SC5D: variants seen among roughly 807,000 people sequenced by gnomAD.
SC5D encodes the protein lathosterol oxidase.
In SC5D, 21 loss-of-function variants were observed where a neutral mutation model predicts 23.9. The observed-to-expected ratio is 0.88, with a 90% CI of 0.62 to 1.26. The LOEUF (loss-of-function observed/expected upper bound fraction) is 1.26, where lower values mean the gene tolerates loss of function less well. SC5D is among the 50% of genes most tolerant of loss of function. SC5D has a pLI of 0.00. For missense variants in SC5D, 309 were observed against 364.8 expected, an observed-to-expected ratio of 0.85 and a Z score of 1.25; for synonymous variants, 113 against 125.9, an observed-to-expected ratio of 0.90 and a Z score of 0.68.
intron 1 of SC5D, among the ~76,000 whole-genome samples, chr11:121,300,438 G>C (rs1169358004): frequency 1.3e-5 from 2 of 152,208 alleles, no homozygotes; most frequent in East Asian, 1.9e-4. Flanking sequence ...ATCACCACTT[G>C]ATCTCTCTGG....
In SC5D at chr11:121,308,784, TTC is replaced by T. The variant is rs1206405852; in HGVS notation, c.*1274_*1275del. The T allele has an allele frequency of 6.6e-6, 1 of 152,606 alleles. No homozygotes were observed. Among genetic ancestry groups the T allele is most frequent in the Non-Finnish European group, 1.5e-5 (1 of 68,032 alleles). The allele number at this position is 152,606 out of a possible 1,614,324, so 9.5% of individuals were successfully genotyped here. A position where few individuals can be genotyped will look rare whatever the true frequency, so the allele number is the denominator to read the frequency against. On this transcript the variant is annotated 3_prime_UTR_variant, in exon 5 of 5. Coordinates refer to ENST00000264027, the MANE Select transcript of SC5D (RefSeq NM_006918.5). ...CAGGGGGAAAGAAGTGGGTACCACA[TTC>T]TGTTTATATTTCACATTTTAACTAG...
rs1489801515 is a variant in SC5D, at chr11:121,312,957, A to T, written c.*5445A>T. 2.6e-5 allele frequency among the ~76,000 whole-genome samples: 4 copies of T among 152,122 alleles called. No individual in the cohort carries two copies. The highest frequency in any genetic ancestry group is 6.5e-5 in the Admixed American group (1 of 15,278). ...GACGTTTTTTCTTTCTGATCAACTT[A>T]ATGAAATTATAATTTACTATAATTA... On this transcript the variant is annotated 3_prime_UTR_variant, in exon 5 of 5. Transcript: ENST00000264027.
rs569122385 is a variant in SC5D, at chr11:121,296,643, G to A, written c.-11+3827G>A. Among the ~76,000 whole-genome samples the A allele has an allele frequency of 4.6e-5, 7 of 152,276 alleles. No homozygotes were observed. In the East Asian group the frequency reaches 1.2e-3, roughly 25 times the overall value. On this transcript the variant is annotated intron_variant, in intron 1 of 4. Transcript: ENST00000264027. ...GTGTCCTATTGCTAGAATTGTTTTT[G>A]TAGTTGCCCTACCTTTAAGACTGAT...
In SC5D at chr11:121,307,307, A is replaced by G. The variant is rs151190785; in HGVS notation, c.695A>G (p.His232Arg). Reference sequence around the variant, plus strand: ...AATGGCTCAGCTCATCATACAGACCACCATATGTTCTTTGACTATAATTAT... The same window carrying G: ...AATGGCTCAGCTCATCATACAGACCGCCATATGTTCTTTGACTATAATTAT... ...FINGSAHHTDHHMFFDYNYGQ... is the reference protein window; with the variant it reads ...FINGSAHHTDRHMFFDYNYGQ... Residue 232 changes from histidine (H) to arginine (R), a missense_variant, in exon 5 of 5, where the codon CAC becomes CGC. By Grantham distance (29) the His-to-Arg change is conservative. Transcript: ENST00000264027. The G allele has an allele frequency of 6.2e-7, 1 of 1,614,022 alleles. No homozygotes were observed. The highest frequency in any genetic ancestry group is 8.5e-7 in the Non-Finnish European group (1 of 1,180,020).
chr11:121,307,270 C>T lies in SC5D; in HGVS notation c.658C>T (p.Gln220Ter). Residue 220 changes from glutamine (Q) to a stop codon, truncating the protein, a stop_gained, in exon 5 of 5, where the codon CAG becomes TAG. Coordinates refer to ENST00000264027, the MANE Select transcript of SC5D (RefSeq NM_006918.5). LOFTEE classifies it high-confidence loss of function. ...DGDFRVPQIL[Q>*]PFINGSAHHT... ...TGATTTTCGTGTCCCCCAAATCTTA[C>T]AGCCATTTATTAATGGCTCAGCTCA... 6.2e-7 allele frequency: 1 copy of T among 1,614,022 alleles called. No individual in the cohort carries two copies. Among genetic ancestry groups the T allele is most frequent in the African/African-American group, 1.3e-5 (1 of 75,050 alleles).
intron 2 of SC5D, chr11:121,303,846 T>C (rs1947943201): frequency 7.8e-6 from 3 of 383,892 alleles, no homozygotes; most frequent in Admixed American, 4.3e-5. Context: ...TATGCTGATA[T>C]TGATGAGTAA....
intron 1 of SC5D, among the ~76,000 whole-genome samples, chr11:121,298,152 C>CTAA (rs1947901879): frequency 2.0e-5 from 3 of 146,354 alleles, no homozygotes; most frequent in Admixed American, 2.0e-4. Context: ...GGGCTGTGCA[C>CTAA]CACGCCCGGC....
intron 1 of SC5D, among the ~76,000 whole-genome samples, chr11:121,295,279 G>C (rs1217078572): frequency 6.6e-6 from 1 of 152,194 alleles, no homozygotes; most frequent in Non-Finnish European, 1.5e-5. Context: ...GGAGACATGA[G>C]ACATCAATCA....
intron 2 of SC5D, chr11:121,304,046 A>T (rs189164794): frequency 9.2e-6 from 3 of 324,598 alleles, no homozygotes; most frequent in Non-Finnish European, 1.7e-5. Flanking sequence ...CAGCAAAAAG[A>T]AAAAATAGAG....
intron 1 of SC5D, among the ~76,000 whole-genome samples, chr11:121,300,257 TAAGAAC>T (rs1289526293): frequency 6.6e-6 from 1 of 152,218 alleles, no homozygotes; most frequent in Non-Finnish European, 1.5e-5. Context: ...TGAATCTCAG[TAAGAAC>T]AATGAGCTTT....
rs139468977 is a variant in SC5D, at chr11:121,306,913, C to T, written c.445-144C>T. 4.5e-4 allele frequency: 351 copies of T among 771,926 alleles called. 1 individual carries two copies. The highest frequency in any genetic ancestry group is 4.5e-3 in the African/African-American group (264 of 58,424). 47.8% of individuals were successfully genotyped at this position (771,926 alleles called of 1,614,324 possible). The stretch of plus-strand genomic sequence containing the variant: ...CATATAAAATTATACTGTTTTAGGG[C>T]GAAGAAGGACATTTTATAGAATAAA... On this transcript the variant is annotated intron_variant, in intron 4 of 4. Coordinates refer to ENST00000264027, the MANE Select transcript of SC5D (RefSeq NM_006918.5).
rs1948007312 is a variant in SC5D at position 121,311,158 on chromosome 11, C to T, written c.*3646C>T. ...TAAACCACTCATCCTTAACAAATGC[C>T]CAAGCCATGGTTAAAGTTCAATAAA... On this transcript the variant is annotated 3_prime_UTR_variant, in exon 5 of 5. Transcript: ENST00000264027. 6.6e-6 allele frequency among the ~76,000 whole-genome samples: 1 copy of T among 152,142 alleles called. No individual in the cohort carries two copies. The highest frequency in any genetic ancestry group is 6.5e-5 in the Admixed American group (1 of 15,272).
rs1336787742 is a variant in SC5D, at chr11:121,312,266, TTATAA to T, written c.*4755_*4759del. On this transcript the variant is annotated 3_prime_UTR_variant, in exon 5 of 5. Transcript: ENST00000264027. ...GCTTTTGGTATGGGAAGAAAAATAC[TTATAA>T]ATACTTGTTTTAATATTTGCTTTAT... Among the ~76,000 whole-genome samples, 2 of 152,180 alleles carry T rather than the reference TTATAA, an allele frequency of 1.3e-5. No individual in the cohort carries two copies. The highest frequency in any genetic ancestry group is 2.9e-5 in the Non-Finnish European group (2 of 68,006).
Position 121,310,534 on chromosome 11 carries a change from T to G in SC5D, c.*3022T>G, listed in dbSNP as rs1441845333. On this transcript the variant is annotated 3_prime_UTR_variant, in exon 5 of 5. Coordinates refer to ENST00000264027, the MANE Select transcript of SC5D (RefSeq NM_006918.5). ...GTGCAGTGGCGTGATCTTGGTTCACTGCAAGCTCCACCTCCCGGGTTCACG... is the reference window on the plus strand; with the variant it reads ...GTGCAGTGGCGTGATCTTGGTTCACGGCAAGCTCCACCTCCCGGGTTCACG... Among the ~76,000 whole-genome samples the G allele has an allele frequency of 2.7e-5, 4 of 148,942 alleles. No individual in the cohort carries two copies.
rs1184133379 is a variant in SC5D at position 121,311,943 on chromosome 11, T to C, written c.*4431T>C. Among the ~76,000 whole-genome samples the C allele has an allele frequency of 6.6e-6, 1 of 152,168 alleles. No individual in the cohort carries two copies. The highest frequency in any genetic ancestry group is 2.4e-5 in the African/African-American group (1 of 41,442). On this transcript the variant is annotated 3_prime_UTR_variant, in exon 5 of 5. Transcript: ENST00000264027. ...CCTTAAAATTGGAGGGTGAAAGACA[T>C]TGAGGTGAAGTAGAGATAGAGGGTA...
At position 121,311,552 on chromosome 11, in the gene SC5D, TAACAC is replaced by T. The variant is rs1363375209; in HGVS notation, c.*4042_*4046del. On this transcript the variant is annotated 3_prime_UTR_variant, in exon 5 of 5. Transcript: ENST00000264027. ...TGAATGAATCTGTATACTCAGCACT[TAACAC>T]AGCACTCTGGGTAAAAGAAAAAAGA... Among the ~76,000 whole-genome samples the T allele has an allele frequency of 2.6e-5, 4 of 152,198 alleles. No homozygotes were observed. The highest frequency in any genetic ancestry group is 3.2e-3 in the Middle Eastern group (1 of 316).
At chr11:121,298,150 C>CT (rs34730951) in intron 1 of SC5D, among the ~76,000 whole-genome samples, 152,024 of 152,224 alleles carry the variant, frequency 1, 75,914 homozygotes, top group Middle Eastern at 1. Context: ...CAGGGCTGTG[C>CT]ACCACGCCCG....
At chr11:121,300,434 A>C (rs920906981) in intron 1 of SC5D, among the ~76,000 whole-genome samples, 1 of 152,090 alleles carries the variant, frequency 6.6e-6, no homozygotes. Flanking sequence ...AATCATCACC[A>C]CTTGATCTCT....
At chr11:121,303,821 A>G (rs1234762574) in intron 2 of SC5D, 2 of 445,062 alleles carry the variant, frequency 4.5e-6, no homozygotes, top group Non-Finnish European at 8.0e-6. Context: ...TGCTAGATGC[A>G]TATTGGAGCA....
Sources: allele counts gnomAD v4.1 joint callset (sites outside exome capture counted in the v4.1 genomes callset), GRCh38; gene constraint gnomAD v4.1.1; transcripts MANE v1.5; gene names NCBI Gene and HGNC (gene_info 2026-07-23, HGNC 2026-07-21).